CACNA1C: variants seen among roughly 807,000 people sequenced by gnomAD.
The protein encoded by CACNA1C is voltage-dependent L-type calcium channel subunit alpha-1C.
Under a neutral mutation model 229.0 loss-of-function variants are expected in CACNA1C, and 30 were observed. That is an observed-to-expected ratio of 0.13 (90% CI 0.10 to 0.18). The LOEUF is 0.18. Ranked by LOEUF, CACNA1C falls within the 10% of genes least tolerant of loss-of-function variation. CACNA1C has a pLI of 1.00. For missense variants in CACNA1C, 1,658 were observed against 2,845.0 expected, an observed-to-expected ratio of 0.58 and a Z score of 9.49; for synonymous variants, 1,114 against 1,132.5, an observed-to-expected ratio of 0.98 and a Z score of 0.33.
At chr12:2,068,397 C>T (rs1033854393) in intron 1 of CACNA1C, among the ~76,000 whole-genome samples, 1 of 152,132 alleles carries the variant, frequency 6.6e-6, no homozygotes, top group Non-Finnish European at 1.5e-5. Context: ...GGCAGAGAGG[C>T]GGTGGCTGCA....
chr12:2,469,621 G>T (rs937760945), intron 5 of CACNA1C, among the ~76,000 whole-genome samples: 2 of 152,154 alleles, frequency 1.3e-5, no homozygotes, highest in Non-Finnish European at 2.9e-5. Context: ...TGCTGTTGGA[G>T]GATAATGGAA....
intron 5 of CACNA1C, among the ~76,000 whole-genome samples, chr12:2,466,984 G>A (rs1387611041): frequency 6.6e-6 from 1 of 152,072 alleles, no homozygotes; most frequent in Non-Finnish European, 1.5e-5. Flanking sequence ...TTGTCTTATA[G>A]GGGTCTTACA....
intron 3 of CACNA1C, among the ~76,000 whole-genome samples, chr12:2,156,079 G>A (rs2095539178): frequency 6.6e-6 from 1 of 152,160 alleles, no homozygotes; most frequent in Non-Finnish European, 1.5e-5. Context: ...GCAAAGGGGT[G>A]TGTTCAGCAG....
chr12:1,993,351 G>A, intron 1 of CACNA1C: 1 of 1,614,020 alleles, frequency 6.2e-7, no homozygotes, highest in Non-Finnish European at 8.5e-7. Flanking sequence ...TCCATGCTCA[G>A]CCTATTCATA....
At chr12:2,090,262 T>A (rs2070068385) in intron 1 of CACNA1C, among the ~76,000 whole-genome samples, 1 of 151,984 alleles carries the variant, frequency 6.6e-6, no homozygotes, top group Admixed American at 6.5e-5. Flanking sequence ...GTGTCAGAAT[T>A]TCATTGCTTT....
chr12:2,047,965 C>T (rs1260535237), intron 1 of CACNA1C, among the ~76,000 whole-genome samples: 1 of 152,210 alleles, frequency 6.6e-6, no homozygotes, highest in Non-Finnish European at 1.5e-5. Context: ...CGATCTCGAC[C>T]ATGAAACATA....
At chr12:2,329,237 C>T (rs2096457393) in intron 3 of CACNA1C, among the ~76,000 whole-genome samples, 2 of 152,170 alleles carry the variant, frequency 1.3e-5, no homozygotes, top group Non-Finnish European at 2.9e-5. Context: ...ATGTTCTTTT[C>T]CTGTATGTAA....
At chr12:2,609,573 A>G (rs114297198) in intron 27 of CACNA1C, among the ~76,000 whole-genome samples, 11 of 149,438 alleles carry the variant, frequency 7.4e-5, no homozygotes, top group African/African-American at 2.5e-4. Flanking sequence ...ACCCCGATCT[A>G]GTATCCGGTT....
At chr12:2,386,039 G>C (rs1186286061) in intron 3 of CACNA1C, among the ~76,000 whole-genome samples, 2 of 152,188 alleles carry the variant, frequency 1.3e-5, no homozygotes, top group Non-Finnish European at 2.9e-5. Flanking sequence ...AGTCAGGTTT[G>C]CCTGATGCCT....
chr12:2,004,474 A>C (rs745974852), intron 1 of CACNA1C: 3 of 1,568,406 alleles, frequency 1.9e-6, no homozygotes. Context: ...CTTGGAAGCC[A>C]CTCTCAATAG....
intron 3 of CACNA1C, among the ~76,000 whole-genome samples, chr12:2,166,665 T>A (rs150235547): frequency 1.3e-5 from 2 of 152,252 alleles, no homozygotes; most frequent in African/African-American, 2.4e-5. Context: ...TTAGGAGGAC[T>A]AAATGGGTTA....
At chr12:2,061,126 A>G (rs565829150) in intron 1 of CACNA1C, among the ~76,000 whole-genome samples, 8 of 127,574 alleles carry the variant, frequency 6.3e-5, no homozygotes, top group African/African-American at 2.4e-4. Context: ...AAGGAATCAA[A>G]TCCCTTTTTT....
At chr12:1,986,519 C>G (rs1224801902) in intron 1 of CACNA1C, among the ~76,000 whole-genome samples, 1 of 152,158 alleles carries the variant, frequency 6.6e-6, no homozygotes, top group Non-Finnish European at 1.5e-5. Flanking sequence ...CTTGGGATGT[C>G]AGGTGCCTGT....
rs980121853 is a variant in CACNA1C, at chr12:2,346,367, T to C, written c.478-102609T>C. ...GCCTATGTATGTCTCTGTGTTTGTG[T>C]GTTTGTGTGTCTATGTCTGTGTTTG... On this transcript the variant is annotated intron_variant, in intron 3 of 46. Transcript: ENST00000399655. The surrounding 1 kb of genome is among the most constrained non-coding windows in gnomAD (Gnocchi z 4.4). Among the ~76,000 whole-genome samples the C allele has an allele frequency of 2.0e-5, 3 of 152,176 alleles. No individual in the cohort carries two copies. The highest frequency in any genetic ancestry group is 4.8e-5 in the African/African-American group (2 of 41,428).
chr12:2,242,601 T>C (rs2071006235), intron 3 of CACNA1C, among the ~76,000 whole-genome samples: 1 of 152,248 alleles, frequency 6.6e-6, no homozygotes, highest in African/African-American at 2.4e-5. Context: ...TGGCCTCTAC[T>C]TCAGGGAGTC....
intron 5 of CACNA1C, among the ~76,000 whole-genome samples, chr12:2,465,251 G>A (rs2154566559): frequency 6.6e-6 from 1 of 152,256 alleles, no homozygotes; most frequent in South Asian, 2.1e-4. Context: ...TAAAAGATAA[G>A]GAATATTCAA....
chr12:2,508,462 C>T (rs544622081), intron 8 of CACNA1C, among the ~76,000 whole-genome samples: 4 of 152,264 alleles, frequency 2.6e-5, no homozygotes, highest in East Asian at 1.9e-4. Flanking sequence ...TCAGCCTGGG[C>T]GACATAGTGA....
intron 2 of CACNA1C, among the ~76,000 whole-genome samples, chr12:2,118,498 A>T (rs2085028705): frequency 6.6e-6 from 1 of 152,234 alleles, no homozygotes; most frequent in African/African-American, 2.4e-5. Flanking sequence ...AGACTGCCTG[A>T]GCTTGGATCC....
intron 34 of CACNA1C, among the ~76,000 whole-genome samples, chr12:2,664,072 G>A (rs144998909): frequency 3.2e-4 from 49 of 152,222 alleles, no homozygotes; most frequent in African/African-American, 1.1e-3. Flanking sequence ...CCCTACAAAC[G>A]AACAAGAAGA....
Sources: allele counts gnomAD v4.1 joint callset (sites outside exome capture counted in the v4.1 genomes callset), GRCh38; gene constraint gnomAD v4.1.1; non-coding constraint Gnocchi (gnomAD v3.1); transcripts MANE v1.5; gene names NCBI Gene and HGNC (gene_info 2026-07-23, HGNC 2026-07-21).